Variants in ACACA observed in about 807,000 individuals in gnomAD.
The protein encoded by ACACA is acetyl-CoA carboxylase 1.
A neutral mutation model predicts 296.1 loss-of-function variants in ACACA; 103 were observed. The observed-to-expected ratio is 0.35, with a 90% confidence interval of 0.30 to 0.41. ACACA has a LOEUF of 0.41. ACACA is among the 10% of genes least tolerant of loss of function. The pLI is 1.00. For synonymous variants in ACACA, 953 were observed against 1,038.6 expected (o/e 0.92, Z 1.58); for missense variants, 1,554 against 2,989.7 (o/e 0.52, Z 11.20).
intron 3 of ACACA, among the ~76,000 whole-genome samples, chr17:37,306,991 C>T (rs990996897): frequency 1.3e-5 from 2 of 152,244 alleles, no homozygotes; most frequent in South Asian, 2.1e-4. Context: ...AGCCACCACG[C>T]CTGGCCTTAT....
chr17:37,365,363 C>A (rs754570663), intron 1 of ACACA: 5 of 834,486 alleles, frequency 6.0e-6, no homozygotes, highest in Non-Finnish European at 5.8e-6. Flanking sequence ...TTTGCTACCC[C>A]CTTTTATAGC....
intron 1 of ACACA, among the ~76,000 whole-genome samples, chr17:37,357,040 G>T (rs1455046429): frequency 6.6e-6 from 1 of 152,186 alleles, no homozygotes; most frequent in African/African-American, 2.4e-5. Flanking sequence ...AGATGAGAGA[G>T]CGTTCTCTGA....
At chr17:37,192,343 G>A (rs759793227) in intron 36 of ACACA, 38 bp from the exon 37 acceptor site, 11 of 1,577,744 alleles carry the variant, frequency 7.0e-6, no homozygotes, top group Non-Finnish European at 9.5e-6. Context: ...GCTCACAAGA[G>A]GCAGTTACAA....
intron 33 of ACACA, among the ~76,000 whole-genome samples, chr17:37,201,113 T>G (rs893523270): frequency 2.0e-5 from 3 of 152,156 alleles, no homozygotes; most frequent in Non-Finnish European, 4.4e-5. Context: ...ACTATTCATA[T>G]CTCCACTAGG....
intron 1 of ACACA, among the ~76,000 whole-genome samples, chr17:37,395,740 A>T (rs1426884104): frequency 2.0e-5 from 3 of 152,002 alleles, no homozygotes; most frequent in African/African-American, 7.2e-5. Context: ...ACGAGGTTTC[A>T]CCATGTTGGT....
chr17:37,153,073 GTTAA>G (rs1400029556), intron 43 of ACACA, among the ~76,000 whole-genome samples: 2 of 152,144 alleles, frequency 1.3e-5, no homozygotes, highest in Non-Finnish European at 2.9e-5. Flanking sequence ...CCTTAAGGGG[GTTAA>G]TTAACTACAT....
At chr17:37,100,203 T>G (rs1011592894) in intron 52 of ACACA, among the ~76,000 whole-genome samples, 3 of 152,192 alleles carry the variant, frequency 2.0e-5, no homozygotes, top group Non-Finnish European at 1.5e-5. Context: ...TCAATGGATG[T>G]CAAAGCCAGT....
chr17:37,118,163 G>A (rs373539573), intron 50 of ACACA, among the ~76,000 whole-genome samples: 5 of 152,144 alleles, frequency 3.3e-5, no homozygotes, highest in South Asian at 2.1e-4. Context: ...TTTGTCTTAC[G>A]TGAGGTGTAA....
chr17:37,255,685 A>C (rs993379732), intron 14 of ACACA, among the ~76,000 whole-genome samples: 3 of 152,190 alleles, frequency 2.0e-5, no homozygotes, highest in African/African-American at 7.2e-5. Context: ...TGTTAACTAC[A>C]AAGTTTATGT....
At chr17:37,207,914 G>A in intron 30 of ACACA, 114 bp from the exon 31 acceptor site, 1 of 1,322,160 alleles carries the variant, frequency 7.6e-7, no homozygotes, top group Non-Finnish European at 1.1e-6. Flanking sequence ...TCAGGTTGCA[G>A]AGCAGATTTG....
At chr17:37,404,433 T>C (rs1273742613) in intron 1 of ACACA, among the ~76,000 whole-genome samples, 1 of 152,104 alleles carries the variant, frequency 6.6e-6, no homozygotes, top group African/African-American at 2.4e-5. Context: ...TTGCCTAGAC[T>C]GGTCTCAAAC....
At chr17:37,196,321 T>C (rs2077994725) in intron 35 of ACACA, among the ~76,000 whole-genome samples, 1 of 151,952 alleles carries the variant, frequency 6.6e-6, no homozygotes, top group Non-Finnish European at 1.5e-5. Flanking sequence ...CTAATTATGA[T>C]AACTGCTCAT....
chr17:37,213,342 A>C (rs1262081489), intron 29 of ACACA, among the ~76,000 whole-genome samples: 1 of 134,874 alleles, frequency 7.4e-6, no homozygotes, highest in Non-Finnish European at 1.5e-5. Flanking sequence ...GTGACAAAGT[A>C]AGTCTCAAAA....
At chr17:37,132,769 C>A (rs2075162675) in intron 45 of ACACA, among the ~76,000 whole-genome samples, 1 of 152,194 alleles carries the variant, frequency 6.6e-6, no homozygotes, top group Non-Finnish European at 1.5e-5. Flanking sequence ...AAGAACTACA[C>A]TCAGAAAAAG....
intron 47 of ACACA, among the ~76,000 whole-genome samples, chr17:37,126,824 C>T (rs2074810880): frequency 1.3e-5 from 2 of 152,172 alleles, no homozygotes; most frequent in African/African-American, 2.4e-5. Flanking sequence ...TCTCTCCATC[C>T]GTGAGCCCAA....
At chr17:37,089,215 G>C in intron 54 of ACACA, 141 bp from the exon 55 acceptor site, 1 of 1,295,018 alleles carries the variant, frequency 7.7e-7, no homozygotes, top group South Asian at 1.2e-5. Context: ...CATCGTGCAG[G>C]AGGAGGAAGT....
Position 37,308,675 on chromosome 17 carries a change from C to T in ACACA, c.338+21498G>A, listed in dbSNP as rs529110128. On this transcript the variant is annotated intron_variant, in intron 3 of 55. Transcript: ENST00000616317. ...ACTACTAGCCAGGTGTGGTGACTCA[C>T]GCCTGTAATCCCAGCACGTTGGAAG... Among the ~76,000 whole-genome samples, 4 of 152,206 alleles carry T rather than the reference C, an allele frequency of 2.6e-5. No individual in the cohort carries two copies. The East Asian group carries it at 5.8e-4, about 22-fold the overall frequency.
intron 3 of ACACA, among the ~76,000 whole-genome samples, chr17:37,319,828 T>C (rs949302679): frequency 6.6e-6 from 1 of 152,130 alleles, no homozygotes; most frequent in Non-Finnish European, 1.5e-5. Flanking sequence ...GGCAGGCCCC[T>C]GTAATCCCAG....
At chr17:37,209,556 C>A (rs892420075) in intron 30 of ACACA, among the ~76,000 whole-genome samples, 3 of 152,176 alleles carry the variant, frequency 2.0e-5, no homozygotes, top group Non-Finnish European at 4.4e-5. Flanking sequence ...AGCCCACTCA[C>A]CAAGGGAAGA....
Sources: gnomAD v4.1 joint callset for allele counts (sites outside exome capture counted in the v4.1 genomes callset) on GRCh38, gnomAD v4.1.1 for gene constraint, MANE v1.5 for transcripts, NCBI Gene and HGNC (gene_info 2026-07-23, HGNC 2026-07-21) for gene names.